Variants in DLGAP2 observed in about 807,000 individuals in gnomAD.
DLGAP2 encodes the protein DLG associated protein 2, also known as disks large-associated protein 2.
In DLGAP2, 26 loss-of-function variants were observed where a neutral mutation model predicts 100.3. The observed-to-expected ratio is 0.26, with a 90% CI of 0.19 to 0.36. DLGAP2 has a LOEUF of 0.36. Ranked by LOEUF, DLGAP2 falls within the 10% of genes least tolerant of loss-of-function variation. DLGAP2 has a pLI of 1.00. For synonymous variants in DLGAP2, 886 were observed against 630.1 expected, an observed-to-expected ratio of 1.41 and a Z score of -6.08; for missense variants, 1,858 against 1,453.2, an observed-to-expected ratio of 1.28 and a Z score of -4.53.
At chr8:1,214,293 A>G (rs962940037) in intron 2 of DLGAP2, among the ~76,000 whole-genome samples, 3 of 152,202 alleles carry the variant, frequency 2.0e-5, no homozygotes, top group African/African-American at 7.2e-5. Context: ...CAGCTCCAGG[A>G]CAAAAGCTCA....
chr8:1,166,318 G>C (rs867967824), intron 2 of DLGAP2, among the ~76,000 whole-genome samples: 3 of 152,224 alleles, frequency 2.0e-5, no homozygotes, highest in Middle Eastern at 3.4e-3. Flanking sequence ...CCGAGGCCCC[G>C]GCCTATAATT....
At chr8:1,519,180 G>C (rs1467018831) in intron 4 of DLGAP2, among the ~76,000 whole-genome samples, 1 of 152,114 alleles carries the variant, frequency 6.6e-6, no homozygotes, top group Admixed American at 6.5e-5. Flanking sequence ...GAAACAGAAG[G>C]GGCTTCTGGA....
chr8:1,308,226 G>A (rs756222399), intron 3 of DLGAP2, among the ~76,000 whole-genome samples: 6 of 152,198 alleles, frequency 3.9e-5, no homozygotes, highest in African/African-American at 9.7e-5. Context: ...TGTCTTTTTC[G>A]TTTGTAGCTC....
At chr8:1,368,631 G>A (rs184058079) in intron 3 of DLGAP2, 44 of 152,280 alleles carry the variant, frequency 2.9e-4, no homozygotes, top group African/African-American at 1.1e-3. Flanking sequence ...TGACTAAGAT[G>A]TTTATGAGTC....
chr8:1,324,544 A>T (rs1268178632), intron 3 of DLGAP2, among the ~76,000 whole-genome samples: 2 of 152,216 alleles, frequency 1.3e-5, no homozygotes, highest in Non-Finnish European at 2.9e-5. Flanking sequence ...CTCAGGATGT[A>T]AAACTGTCCA....
At position 1,548,606 on chromosome 8, in the gene DLGAP2, C is replaced by A. The variant is rs540496516; in HGVS notation, c.173-20C>A. 2 of 1,473,674 alleles carry A rather than the reference C, an allele frequency of 1.4e-6. No individual in the cohort carries two copies. Among genetic ancestry groups the A allele is most frequent in the Non-Finnish European group, 1.8e-6 (2 of 1,113,740 alleles). 91.3% of individuals were successfully genotyped at this position (1,473,674 alleles called of 1,614,324 possible). On this transcript the variant is annotated intron_variant, in intron 4 of 14. Transcript: ENST00000637795. ...CCGCCGCGCTTCCGGGTGTTCAATG[C>A]CGTTTCTGTTTCCCCACAGACCCGC...
At chr8:1,419,545 T>C (rs73530770) in intron 3 of DLGAP2, among the ~76,000 whole-genome samples, 8,884 of 146,910 alleles carry the variant, frequency 0.06, 1,186 homozygotes, top group African/African-American at 0.23. Context: ...TCTGTGGATC[T>C]TGTGTTACAT....
At chr8:1,600,815 G>A (rs908527450) in intron 6 of DLGAP2, among the ~76,000 whole-genome samples, 2 of 152,154 alleles carry the variant, frequency 1.3e-5, no homozygotes, top group Non-Finnish European at 2.9e-5. Context: ...TGTTGGGTTA[G>A]AACATACTCC....
At chr8:1,695,332 G>GT in intron 13 of DLGAP2, among the ~76,000 whole-genome samples, 1 of 136,944 alleles carries the variant, frequency 7.3e-6, no homozygotes, top group Middle Eastern at 4.2e-3. Flanking sequence ...GCACAGCCAT[G>GT]CCCGGCCCTA....
intron 3 of DLGAP2, among the ~76,000 whole-genome samples, chr8:1,355,438 C>T (rs941595546): frequency 6.6e-6 from 1 of 152,132 alleles, no homozygotes; most frequent in East Asian, 1.9e-4. Context: ...AATCTTGGCT[C>T]ACTGCAACCT....
chr8:1,460,939 A>G (rs1030129336), intron 3 of DLGAP2, among the ~76,000 whole-genome samples: 1 of 152,228 alleles, frequency 6.6e-6, no homozygotes, highest in Non-Finnish European at 1.5e-5. Context: ...CATAAACACA[A>G]GGGTACCATT....
rs773443615 is a variant in DLGAP2 at position 1,701,434 on chromosome 8, C to T, written c.*28C>T. 19 of 1,551,112 alleles carry T rather than the reference C, an allele frequency of 1.2e-5. No individual in the cohort carries two copies. In the Admixed American group the frequency reaches 3.5e-4, roughly 28 times the overall value. ...GCGGAGGCCGGCGCCTTCCCCTCGT[C>T]GCTTCCGCTTTCCCGGACGCTTGTG... On this transcript the variant is annotated 3_prime_UTR_variant, in exon 15 of 15. Transcript: ENST00000637795.
intron 3 of DLGAP2, among the ~76,000 whole-genome samples, chr8:1,316,316 T>C (rs1800747176): frequency 7.5e-6 from 1 of 133,592 alleles, no homozygotes; most frequent in African/African-American, 2.8e-5. Context: ...CTCGAGAAAC[T>C]TGGCAGCGTT....
intron 5 of DLGAP2, among the ~76,000 whole-genome samples, chr8:1,560,846 C>A (rs1802132561): frequency 6.6e-6 from 1 of 152,258 alleles, no homozygotes; most frequent in Non-Finnish European, 1.5e-5. Context: ...GCTGAGAGAA[C>A]CTGCTGTGGC....
chr8:1,172,525 CA>C (rs1286371573), intron 2 of DLGAP2, among the ~76,000 whole-genome samples: 1 of 152,232 alleles, frequency 6.6e-6, no homozygotes, highest in African/African-American at 2.4e-5. Context: ...GTGCACCAAT[CA>C]GACGTAGATT....
chr8:1,127,098 C>A (rs1037560078), intron 2 of DLGAP2, among the ~76,000 whole-genome samples: 13 of 148,486 alleles, frequency 8.8e-5, no homozygotes, highest in Non-Finnish European at 1.8e-4. Context: ...CCTGTCCCAG[C>A]ACAGCTCTTA....
intron 8 of DLGAP2, among the ~76,000 whole-genome samples, chr8:1,665,199 T>A (rs997244173): frequency 9.2e-5 from 14 of 152,224 alleles, no homozygotes; most frequent in Non-Finnish European, 1.5e-4. Context: ...GAAGGTTTAC[T>A]TGTTTTGTGA....
At chr8:1,308,549 T>G (rs6558444) in intron 3 of DLGAP2, among the ~76,000 whole-genome samples, 105,217 of 152,108 alleles carry the variant, frequency 0.69, 37,425 homozygotes, top group African/African-American at 0.86. Context: ...TTTTGAGACG[T>G]AGTTTCACTC....
intron 2 of DLGAP2, among the ~76,000 whole-genome samples, chr8:908,322 C>T (rs527430173): frequency 1.3e-5 from 2 of 152,242 alleles, no homozygotes; most frequent in African/African-American, 4.8e-5. Context: ...AATCACCATT[C>T]TTATTGGCTA....
Sources: gnomAD v4.1 joint callset for allele counts (sites outside exome capture counted in the v4.1 genomes callset) on GRCh38, gnomAD v4.1.1 for gene constraint, MANE v1.5 for transcripts, NCBI Gene and HGNC (gene_info 2026-07-23, HGNC 2026-07-21) for gene names.